The following ATP2C2 variants were observed in gnomAD, a reference collection of about 807,000 sequenced individuals.
The protein encoded by ATP2C2 is ATPase secretory pathway Ca2+ transporting 2.
ATP2C2 carries 171 observed loss-of-function variants against 110.8 expected under a neutral mutation model. The observed-to-expected ratio is 1.54, with a 90% CI of 1.36 to 1.75. ATP2C2 has a LOEUF of 1.75. Ranked by LOEUF, ATP2C2 falls within the 40% of genes most tolerant of loss-of-function variation. The pLI, the probability that ATP2C2 is intolerant of heterozygous loss-of-function variation, is 0.00. For missense variants in ATP2C2, 1,963 were observed against 1,235.0 expected (o/e 1.59, Z -8.84); for synonymous variants, 804 against 508.4 (o/e 1.58, Z -7.82).
At chr16:84,376,847 G>C (rs1467481412) in intron 1 of ATP2C2, among the ~76,000 whole-genome samples, 1 of 152,194 alleles carries the variant, frequency 6.6e-6, no homozygotes, top group Admixed American at 6.5e-5. Flanking sequence ...GTCCTGCACG[G>C]GGATCTCTGT....
At chr16:84,460,606 A>C (rs1291176533) in intron 23 of ATP2C2, 48 bp from the exon 24 acceptor site, 1 of 1,613,122 alleles carries the variant, frequency 6.2e-7, no homozygotes, top group East Asian at 2.2e-5. Flanking sequence ...AGGGTCCTTT[A>C]TTTCATTCCT....
chr16:84,369,715 A>G (rs1223278376), intron 1 of ATP2C2, among the ~76,000 whole-genome samples: 3 of 152,206 alleles, frequency 2.0e-5, no homozygotes, highest in Admixed American at 2.0e-4. Context: ...AAAGAATACT[A>G]ATGGTCAAAA....
intron 3 of ATP2C2, among the ~76,000 whole-genome samples, chr16:84,407,637 A>G (rs570201939): frequency 1.3e-5 from 2 of 151,882 alleles, no homozygotes; most frequent in South Asian, 4.2e-4. Flanking sequence ...TGCCCAGCTC[A>G]TTTTTTCATT....
In ATP2C2 at chr16:84,439,203, G is replaced by A. The variant is rs761475103; in HGVS notation, c.1024G>A (p.Val342Ile). 2.4e-5 allele frequency: 38 copies of A among 1,612,104 alleles called. No homozygotes were observed. The highest frequency in any genetic ancestry group is 2.2e-4 in the Middle Eastern group (1 of 4,480). Residue 342 changes from valine (V) to isoleucine (I), a missense_variant, in exon 12 of 27, where the codon GTC becomes ATC. By Grantham distance (29) the Val-to-Ile change is conservative. Transcript: ENST00000262429. ...VAAIPEGLPI[V>I]VMVTLVLGVL... ...GGCCATTCCAGAGGGTCTGCCCATCGTCGTCATGGTGACGCTGGTCCTGGG... is the reference window on the plus strand; with the variant it reads ...GGCCATTCCAGAGGGTCTGCCCATCATCGTCATGGTGACGCTGGTCCTGGG...
intron 1 of ATP2C2, among the ~76,000 whole-genome samples, chr16:84,378,275 G>GTGT (rs563768251): frequency 2.9e-3 from 445 of 152,308 alleles, no homozygotes; most frequent in African/African-American, 0.01. Flanking sequence ...GTTGGTCTGA[G>GTGT]TGGCCACTCT....
chr16:84,375,980 G>T (rs1333493831), intron 1 of ATP2C2, among the ~76,000 whole-genome samples: 1 of 152,080 alleles, frequency 6.6e-6, no homozygotes, highest in Non-Finnish European at 1.5e-5. Flanking sequence ...GGGTGTAGCT[G>T]GGTGGGAGTG....
chr16:84,437,079 G>A (rs1567723341), intron 11 of ATP2C2, among the ~76,000 whole-genome samples: 4 of 152,042 alleles, frequency 2.6e-5, no homozygotes, highest in Admixed American at 2.0e-4. Context: ...TTCTTAAACA[G>A]CTTTATTGAG....
At position 84,448,516 on chromosome 16, in the gene ATP2C2, C is replaced by T. The variant is rs975843741; in HGVS notation, c.1504-17C>T. ...GCTTCCAGTGATAGTGGATTTCTTC[C>T]CTTTGTCTTTTCTAAGGATCAGGAA... On this transcript the variant is annotated splice_polypyrimidine_tract_variant and intron_variant, in intron 16 of 26. Coordinates refer to ENST00000262429, the MANE Select transcript of ATP2C2 (RefSeq NM_014861.4). 5 of 1,599,818 alleles carry T rather than the reference C, an allele frequency of 3.1e-6. No homozygotes were observed. In the Admixed American group the frequency reaches 6.8e-5, roughly 22 times the overall value.
chr16:84,400,096 C>G (rs1448997726), intron 2 of ATP2C2, among the ~76,000 whole-genome samples: 2 of 152,100 alleles, frequency 1.3e-5, no homozygotes, highest in East Asian at 1.9e-4. Context: ...ATGACAGGAT[C>G]TCATTCTTTT....
At chr16:84,453,456 G>T in intron 20 of ATP2C2, 85 bp downstream of exon 20, 1 of 1,560,570 alleles carries the variant, frequency 6.4e-7, no homozygotes, top group East Asian at 2.2e-5. Context: ...CGTCCGTCGG[G>T]TGACAGTGCA....
At chr16:84,418,607 C>A (rs1345323381) in intron 7 of ATP2C2, among the ~76,000 whole-genome samples, 1 of 152,232 alleles carries the variant, frequency 6.6e-6, no homozygotes, top group African/African-American at 2.4e-5. Flanking sequence ...ACTACACGGA[C>A]ACAGCAGCCC....
At chr16:84,414,824 G>A (rs1906689265) in intron 6 of ATP2C2, among the ~76,000 whole-genome samples, 1 of 152,120 alleles carries the variant, frequency 6.6e-6, no homozygotes, top group Non-Finnish European at 1.5e-5. Context: ...TTTGAGTTTG[G>A]TACCAGGGTC....
chr16:84,437,334 T>C (rs1022223297), intron 11 of ATP2C2, among the ~76,000 whole-genome samples: 3 of 151,916 alleles, frequency 2.0e-5, no homozygotes, highest in Admixed American at 6.6e-5. Context: ...GCTGGGATTA[T>C]AGGTGCACAC....
chr16:84,419,695 A>G (rs1296399019), intron 7 of ATP2C2, among the ~76,000 whole-genome samples: 2 of 152,008 alleles, frequency 1.3e-5, no homozygotes, highest in African/African-American at 4.8e-5. Flanking sequence ...CATTCATTCA[A>G]CAAGTGTTTC....
chr16:84,443,326 C>A (rs1391746919), intron 15 of ATP2C2, among the ~76,000 whole-genome samples: 4 of 152,206 alleles, frequency 2.6e-5, no homozygotes, highest in Non-Finnish European at 5.9e-5. Flanking sequence ...CTGGGTCCCT[C>A]CTCTTCAGCC....
chr16:84,425,677 C>G (rs886503502), intron 10 of ATP2C2, 58 bp from the exon 11 acceptor site: 4 of 1,572,988 alleles, frequency 2.5e-6, no homozygotes, highest in Non-Finnish European at 2.6e-6. Context: ...TTGAATCCCT[C>G]CAGGCATCAG....
chr16:84,461,917 A>C, intron 25 of ATP2C2, 71 bp from the exon 26 acceptor site: 1 of 1,607,678 alleles, frequency 6.2e-7, no homozygotes. Context: ...CAGCGTGGGC[A>C]GTCAGAGCTC....
chr16:84,400,984 G>A (rs745662814), intron 2 of ATP2C2, among the ~76,000 whole-genome samples: 2 of 152,144 alleles, frequency 1.3e-5, no homozygotes, highest in Non-Finnish European at 2.9e-5. Context: ...TGTCAGATGG[G>A]TAGTTTGCAA....
intron 25 of ATP2C2, 54 bp from the exon 26 acceptor site, chr16:84,461,934 C>A: frequency 1.9e-6 from 3 of 1,608,356 alleles, no homozygotes; most frequent in Admixed American, 3.3e-5. Context: ...GCTCCCCTGC[C>A]TGTACCTGGG....
Sources: gnomAD v4.1 joint callset for allele counts (sites outside exome capture counted in the v4.1 genomes callset) on GRCh38, gnomAD v4.1.1 for gene constraint, MANE v1.5 for transcripts, NCBI Gene and HGNC (gene_info 2026-07-23, HGNC 2026-07-21) for gene names.